APOBEC3B: variants seen among roughly 807,000 people sequenced by gnomAD.
APOBEC3B encodes the protein DNA dC->dU-editing enzyme APOBEC-3B.
APOBEC3B carries 29 observed loss-of-function variants against 53.4 expected under a neutral mutation model. The ratio of observed to expected loss-of-function variants is 0.54; its 90% CI spans 0.40 to 0.74. APOBEC3B has a LOEUF of 0.74. APOBEC3B is among the 30% of genes least tolerant of loss of function. The pLI is 0.00. For missense variants in APOBEC3B, 347 were observed against 496.2 expected (o/e 0.70, Z 2.86); for synonymous variants, 132 against 184.8 (o/e 0.71, Z 2.32).
rs374911938 is a variant in APOBEC3B at position 38,984,089 on chromosome 22, G to A, written c.32G>A (p.Arg11Gln). The change falls in exon 2 of 8, where the codon CGG becomes CAG. Residue 11 changes from arginine (R) to glutamine (Q), a missense_variant. This residue lies in a region of APOBEC3B where 73 missense variants were observed against 90.9 expected (regional missense o/e 0.80). Coordinates refer to ENST00000333467, the MANE Select transcript of APOBEC3B (RefSeq NM_004900.5). MNPQIRNPME[R>Q]MYRDTFYDNF... ...TGTGCCTTCAGAAATCCGATGGAGCGGATGTATCGAGACACATTCTACGAC... is the reference window on the plus strand; with the variant it reads ...TGTGCCTTCAGAAATCCGATGGAGCAGATGTATCGAGACACATTCTACGAC... 82 of 1,580,724 alleles carry A rather than the reference G, an allele frequency of 5.2e-5. 6 individuals carry two copies. The highest frequency in any genetic ancestry group is 4.0e-4 in the South Asian group (35 of 86,464).
At chr22:38,988,683 C>CTCTCTCTCTTTCCTTCTTTCTT (rs1555894372) in intron 4 of APOBEC3B, among the ~76,000 whole-genome samples, 2 of 47,512 alleles carry the variant, frequency 4.2e-5, no homozygotes, top group African/African-American at 1.8e-4. Context: ...TTCTCTCTTT[C>CTCTCTCTCTTTCCTTCTTTCTT]TCTTTCTTTC....
rs183583982 is a variant in APOBEC3B, at chr22:38,992,062, G to T, written c.1047G>T (p.Val349=). 2.8e-5 allele frequency: 44 copies of T among 1,589,914 alleles called. 4 individuals carry two copies. The Admixed American group carries it at 4.7e-4, about 17-fold the overall frequency. Residue 349 remains valine (V), a synonymous_variant, in exon 7 of 8, where the codon GTG becomes GTT. Coordinates refer to ENST00000333467, the MANE Select transcript of APOBEC3B (RefSeq NM_004900.5). ...DEFEYCWDTF[V]YRQGCPFQPW... is the part of the protein sequence containing the mutation. ...TTGAGTACTGCTGGGACACCTTTGT[G>T]TACCGCCAGGGATGTCCCTTCCAGC...
chr22:38,990,824 C>G (rs555232449), intron 5 of APOBEC3B, among the ~76,000 whole-genome samples: 1 of 145,684 alleles, frequency 6.9e-6, no homozygotes, highest in African/African-American at 2.5e-5. Context: ...TGGGGCTCCG[C>G]CGGCCCCTCC....
At chr22:38,988,163 C>A (rs1035817313) in intron 4 of APOBEC3B, among the ~76,000 whole-genome samples, 2 of 148,452 alleles carry the variant, frequency 1.3e-5, no homozygotes. Context: ...CACCCTCAAA[C>A]CCCTGGGGCC....
At chr22:38,987,589 T>C (rs1923793183) in intron 4 of APOBEC3B, among the ~76,000 whole-genome samples, 1 of 148,692 alleles carries the variant, frequency 6.7e-6, no homozygotes, top group South Asian at 2.2e-4. Flanking sequence ...CTGTAAGATT[T>C]ACTTTGTTTC....
intron 4 of APOBEC3B, 107 bp from the exon 5 acceptor site, chr22:38,989,350 C>G (rs1923895182): frequency 9.2e-7 from 1 of 1,091,840 alleles, no homozygotes; most frequent in Non-Finnish European, 1.3e-6. Context: ...CTGACAGGTG[C>G]CTCAGTATAT....
intron 5 of APOBEC3B, among the ~76,000 whole-genome samples, chr22:38,989,914 C>A (rs1040629120): frequency 6.7e-6 from 1 of 148,828 alleles, no homozygotes; most frequent in African/African-American, 2.4e-5. Context: ...CAGGGCCTAC[C>A]TGACTCACAA....
Position 38,992,041 on chromosome 22 carries a change from G to C in APOBEC3B, c.1026G>C (p.Glu342Asp), listed in dbSNP as rs6001357. The change falls in exon 7 of 8, where the codon GAG becomes GAC. Residue 342 changes from glutamate (E) to aspartate (D), a missense_variant. This residue lies in a region of APOBEC3B where 78 missense variants were observed against 103.9 expected (regional missense o/e 0.75). Coordinates refer to ENST00000333467, the MANE Select transcript of APOBEC3B (RefSeq NM_004900.5). Reference protein sequence around the residue: ...QVSIMTYDEFEYCWDTFVYRQ... With the variant: ...QVSIMTYDEFDYCWDTFVYRQ... ...TCCCCTGTCCCTTTTCAGAGTTTGA[G>C]TACTGCTGGGACACCTTTGTGTACC... 941 of 1,583,404 alleles carry C rather than the reference G, an allele frequency of 5.9e-4. 48 individuals carry two copies. The African/African-American group carries it at 0.011, about 19-fold the overall frequency.
rs766548440 is a variant in APOBEC3B, at chr22:38,992,010, C to T, written c.1019-24C>T. On this transcript the variant is annotated intron_variant, in intron 6 of 7. Coordinates refer to ENST00000333467, the MANE Select transcript of APOBEC3B (RefSeq NM_004900.5). ...CCCCCTCCCCACAACAGGAGCGTGACTTATCTCCCCTGTCCCTTTTCAGAG... is the reference window on the plus strand; with the variant it reads ...CCCCCTCCCCACAACAGGAGCGTGATTTATCTCCCCTGTCCCTTTTCAGAG... 23 of 1,554,604 alleles carry T rather than the reference C, an allele frequency of 1.5e-5. 1 individual carries two copies.
rs1168117327 is a variant in APOBEC3B, at chr22:38,991,959, C to T, written c.1019-75C>T. 1.7e-5 allele frequency: 25 copies of T among 1,472,064 alleles called. 1 individual carries two copies. The highest frequency in any genetic ancestry group is 2.1e-5 in the Non-Finnish European group (23 of 1,112,320). 91.2% of individuals were successfully genotyped at this position (1,472,064 alleles called of 1,614,324 possible). On this transcript the variant is annotated intron_variant, in intron 6 of 7. Coordinates refer to ENST00000333467, the MANE Select transcript of APOBEC3B (RefSeq NM_004900.5). ...GAAACCAGGATGTGGGAAGTCTGTC[C>T]TGAGAGTCATGGGCCCTTGGTGCTG...
At chr22:38,992,234 G>A (rs1408766833) in intron 7 of APOBEC3B, 85 bp downstream of exon 7, 3 of 1,548,658 alleles carry the variant, frequency 1.9e-6, no homozygotes, top group Non-Finnish European at 2.6e-6. Context: ...CCTCTGCTCA[G>A]AGCCTCCTCT....
intron 1 of APOBEC3B, 152 bp from the exon 2 acceptor site, chr22:38,983,923 C>T: frequency 1.0e-6 from 1 of 977,990 alleles, no homozygotes; most frequent in Non-Finnish European, 1.5e-6. Context: ...TCCCCTCAGT[C>T]TTCCTGCCTG....
At position 38,986,011 on chromosome 22, in the gene APOBEC3B, A is replaced by C. The variant is rs1383472932; in HGVS notation, c.374A>C (p.Tyr125Ser). 7 of 1,593,836 alleles carry C rather than the reference A, an allele frequency of 4.4e-6. 1 individual carries two copies. The highest frequency in any genetic ancestry group is 6.0e-6 in the Non-Finnish European group (7 of 1,172,672). ...ACCATCTCTGCCGCCCGCCTCTACT[A>C]CTACTGGGAAAGAGATTACCGAAGG... ...TLTISAARLY[Y>S]YWERDYRRAL... The change falls in exon 3 of 8, where the codon TAC becomes TCC. Residue 125 changes from tyrosine to serine, a missense_variant. Transcript: ENST00000333467.
At chr22:38,987,802 T>C (rs1385540939) in intron 4 of APOBEC3B, among the ~76,000 whole-genome samples, 2 of 148,250 alleles carry the variant, frequency 1.3e-5, no homozygotes, top group Non-Finnish European at 3.0e-5. Flanking sequence ...TCAGGAGAAA[T>C]GCTCTTATTT....
In APOBEC3B at chr22:38,986,001, C is replaced by A. The variant is rs144579352; in HGVS notation, c.364C>A (p.Arg122Ser). 267 of 1,594,178 alleles carry A rather than the reference C, an allele frequency of 1.7e-4. 6 individuals carry two copies. In the African/African-American group the frequency reaches 3.1e-3, roughly 19 times the overall value. Residue 122 changes from arginine (R) to serine (S), a missense_variant, in exon 3 of 8, where the codon CGC becomes AGC. Coordinates refer to ENST00000333467, the MANE Select transcript of APOBEC3B (RefSeq NM_004900.5). ...PNVTLTISAA[R>S]LYYYWERDYR... ...TGTCACCCTGACCATCTCTGCCGCC[C>A]GCCTCTACTACTACTGGGAAAGAGA... is the stretch of plus-strand genomic sequence containing the variant.
intron 4 of APOBEC3B, among the ~76,000 whole-genome samples, chr22:38,986,656 A>T (rs1265511451): frequency 6.7e-6 from 1 of 148,620 alleles, no homozygotes; most frequent in South Asian, 2.2e-4. Flanking sequence ...AGAGGAACAA[A>T]CAGCAAGACA....
In APOBEC3B at chr22:38,992,594, A is replaced by G. The variant is rs1924057508; in HGVS notation, c.*149A>G. On this transcript the variant is annotated 3_prime_UTR_variant, in exon 8 of 8. Coordinates refer to ENST00000333467, the MANE Select transcript of APOBEC3B (RefSeq NM_004900.5). ...AAGCAATGTGCTCCTGATCAAGTAG[A>G]TTTTTTAAAAATCAGAGTCAATTAA... The G allele has an allele frequency of 6.4e-7, 1 of 1,550,776 alleles. No homozygotes were observed. Among genetic ancestry groups the G allele is most frequent in the East Asian group, 2.3e-5 (1 of 43,512 alleles).
chr22:38,987,300 C>G (rs1047870693), intron 4 of APOBEC3B, among the ~76,000 whole-genome samples: 1 of 147,788 alleles, frequency 6.8e-6, no homozygotes, highest in Non-Finnish European at 1.5e-5. Context: ...TCTCTCCCCT[C>G]CTGTTCCTCT....
intron 1 of APOBEC3B, among the ~76,000 whole-genome samples, chr22:38,983,568 C>T: frequency 6.7e-6 from 1 of 148,662 alleles, no homozygotes. Flanking sequence ...GGCATCTCCT[C>T]TGTAAGATGG....
Sources: allele counts gnomAD v4.1 joint callset (sites outside exome capture counted in the v4.1 genomes callset), GRCh38; gene constraint gnomAD v4.1.1; regional missense constraint gnomAD v4.1.1; transcripts MANE v1.5; gene names NCBI Gene and HGNC (gene_info 2026-07-23, HGNC 2026-07-21).